THSD7A: variants seen among roughly 807,000 people sequenced by gnomAD.
THSD7A encodes the protein thrombospondin type 1 domain containing 7A.
A neutral mutation model predicts 231.3 loss-of-function variants in THSD7A; 96 were observed. That is an observed-to-expected ratio of 0.41 (90% CI 0.35 to 0.49). The LOEUF is 0.49. Ranked by LOEUF, THSD7A falls within the 20% of genes least tolerant of loss-of-function variation. THSD7A has a pLI of 0.05. For synonymous variants in THSD7A, 940 were observed against 743.3 expected (o/e 1.26, Z -4.30); for missense variants, 2,290 against 2,070.2 (o/e 1.11, Z -2.06).
At chr7:11,585,691 A>G (rs1325502538) in intron 4 of THSD7A, among the ~76,000 whole-genome samples, 1 of 152,174 alleles carries the variant, frequency 6.6e-6, no homozygotes, top group East Asian at 1.9e-4. Context: ...GGGTGGCCAG[A>G]GCCTATTCCG....
chr7:11,419,391 T>TTC (rs997560818), intron 16 of THSD7A, among the ~76,000 whole-genome samples: 1 of 152,132 alleles, frequency 6.6e-6, no homozygotes, highest in South Asian at 2.1e-4. Flanking sequence ...CCTTTGCTTT[T>TTC]TCTCTCTCTT....
At chr7:11,756,606 T>A (rs1404466019) in intron 1 of THSD7A, among the ~76,000 whole-genome samples, 2 of 151,324 alleles carry the variant, frequency 1.3e-5, no homozygotes, top group Admixed American at 1.3e-4. Flanking sequence ...AAAAAAAAAA[T>A]GTTCATTTAG....
chr7:11,713,329 T>C (rs963803506), intron 1 of THSD7A, among the ~76,000 whole-genome samples: 1 of 151,314 alleles, frequency 6.6e-6, no homozygotes, highest in Non-Finnish European at 1.5e-5. Context: ...GTTTATGATC[T>C]TTTCTTCTCC....
At chr7:11,457,978 A>G (rs1028967111) in intron 11 of THSD7A, among the ~76,000 whole-genome samples, 3 of 152,044 alleles carry the variant, frequency 2.0e-5, no homozygotes, top group African/African-American at 7.2e-5. Context: ...TAATTTTCCT[A>G]AAAAATATAA....
chr7:11,638,489 G>A (rs189847578), intron 1 of THSD7A, among the ~76,000 whole-genome samples: 1 of 152,284 alleles, frequency 6.6e-6, no homozygotes, highest in East Asian at 1.9e-4. Context: ...TGAGAAAGAT[G>A]TTTAAAGTTT....
At chr7:11,459,064 C>T (rs1345736857) in intron 11 of THSD7A, among the ~76,000 whole-genome samples, 2 of 152,072 alleles carry the variant, frequency 1.3e-5, no homozygotes, top group Non-Finnish European at 2.9e-5. Context: ...TGTATTTCCT[C>T]CAGTGGTGTT....
intron 4 of THSD7A, among the ~76,000 whole-genome samples, chr7:11,566,451 A>T (rs1790329550): frequency 6.6e-6 from 1 of 152,226 alleles, no homozygotes; most frequent in Non-Finnish European, 1.5e-5. Flanking sequence ...TGTGAATCTG[A>T]TGCAGTAATG....
At position 11,636,425 on chromosome 7, in the gene THSD7A, A is replaced by G. The variant is rs759613340; in HGVS notation, c.727T>C (p.Ser243Pro). 1 of 1,613,608 alleles carries G rather than the reference A, an allele frequency of 6.2e-7. No individual in the cohort carries two copies. Among genetic ancestry groups the G allele is most frequent in the Non-Finnish European group, 8.5e-7 (1 of 1,179,832 alleles). ...AGCTCCTCGGCCTCGCATGGACTGGATTGGCACACCTGGAACTCCGTCAGG... is the reference window on the plus strand; with the variant it reads ...AGCTCCTCGGCCTCGCATGGACTGGGTTGGCACACCTGGAACTCCGTCAGG... ...PNLTEFQVCQ[S>P]SPCEAEELRY... Residue 243 changes from serine to proline, a missense_variant, in exon 2 of 28, where the codon TCC becomes CCC. Transcript: ENST00000423059. This position sits in a 1 kb window ranked among gnomAD's most constrained non-coding sequence, Gnocchi z 10.0.
chr7:11,698,664 A>G (rs974699154), intron 1 of THSD7A, among the ~76,000 whole-genome samples: 1 of 151,390 alleles, frequency 6.6e-6, no homozygotes, highest in African/African-American at 2.4e-5. Context: ...TTATTCCTCA[A>G]AGTATCACAG....
chr7:11,765,792 C>A (rs954690589), intron 1 of THSD7A, among the ~76,000 whole-genome samples: 3 of 151,972 alleles, frequency 2.0e-5, no homozygotes, highest in Non-Finnish European at 2.9e-5. Context: ...TCCATTGCAG[C>A]CTGTACATAC....
rs550996516 is a variant in THSD7A, at chr7:11,400,058, A to G, written c.4411+1737T>C. ...CCATCATTCTGAGCAAACTATGGCA[A>G]GGACGAAAAACCAAACACCGCATGT... On this transcript the variant is annotated intron_variant, in intron 23 of 27. Coordinates refer to ENST00000423059, the MANE Select transcript of THSD7A (RefSeq NM_015204.3). Among the ~76,000 whole-genome samples, 22 of 151,780 alleles carry G rather than the reference A, an allele frequency of 1.4e-4. No individual in the cohort carries two copies. In the South Asian group the frequency reaches 4.6e-3, roughly 32 times the overall value.
chr7:11,631,116 C>A (rs1294061806), intron 2 of THSD7A, among the ~76,000 whole-genome samples: 7 of 152,156 alleles, frequency 4.6e-5, no homozygotes, highest in Non-Finnish European at 7.4e-5. Flanking sequence ...CTTGCCCTTC[C>A]CCCCACCAGA....
chr7:11,423,937 T>C (rs114464747), intron 16 of THSD7A, among the ~76,000 whole-genome samples: 44 of 152,278 alleles, frequency 2.9e-4, no homozygotes, highest in African/African-American at 8.9e-4. Context: ...TATGAATATG[T>C]GGGGTCTCTG....
intron 1 of THSD7A, among the ~76,000 whole-genome samples, chr7:11,715,738 C>A (rs1236851742): frequency 6.6e-6 from 1 of 151,472 alleles, no homozygotes; most frequent in Non-Finnish European, 1.5e-5. Context: ...AGACCCCCAT[C>A]CTTATTTCAC....
chr7:11,821,049 G>A (rs2128187064), intron 1 of THSD7A: 1 of 980,458 alleles, frequency 1.0e-6, no homozygotes, highest in South Asian at 1.4e-5. Flanking sequence ...TTCATCACGA[G>A]CCAAACCATG....
At chr7:11,607,734 T>C (rs1021168603) in intron 2 of THSD7A, among the ~76,000 whole-genome samples, 1 of 152,122 alleles carries the variant, frequency 6.6e-6, no homozygotes, top group African/African-American at 2.4e-5. Context: ...TTAGAAGCAA[T>C]AATTCTGTTG....
intron 13 of THSD7A, among the ~76,000 whole-genome samples, chr7:11,440,880 T>C (rs142057354): frequency 5.5e-4 from 83 of 152,170 alleles, no homozygotes; most frequent in African/African-American, 1.9e-3. Context: ...GAGGATATAC[T>C]CCAGTTTTGA....
At chr7:11,436,949 T>C (rs1784652958) in intron 13 of THSD7A, among the ~76,000 whole-genome samples, 1 of 152,098 alleles carries the variant, frequency 6.6e-6, no homozygotes, top group Admixed American at 6.6e-5. Flanking sequence ...GACCTAAAAT[T>C]TCCTATAGTG....
intron 22 of THSD7A, among the ~76,000 whole-genome samples, chr7:11,405,885 A>G (rs1228312720): frequency 1.3e-5 from 2 of 152,196 alleles, no homozygotes; most frequent in East Asian, 3.9e-4. Context: ...GACCCAGGGT[A>G]AGCTGTTATT....
Sources: allele counts gnomAD v4.1 joint callset (sites outside exome capture counted in the v4.1 genomes callset), GRCh38; gene constraint gnomAD v4.1.1; non-coding constraint Gnocchi (gnomAD v3.1); transcripts MANE v1.5; gene names NCBI Gene and HGNC (gene_info 2026-07-23, HGNC 2026-07-21).